Variants in PKHD1 observed in about 807,000 individuals in gnomAD.
PKHD1 encodes PKHD1 ciliary IPT domain containing fibrocystin/polyductin.
A neutral mutation model predicts 412.0 loss-of-function variants in PKHD1; 291 were observed. That is an observed-to-expected ratio of 0.71 (90% CI 0.64 to 0.78). The LOEUF is 0.78. Ranked by LOEUF, PKHD1 falls within the 30% of genes least tolerant of loss-of-function variation. The pLI, the probability that PKHD1 is intolerant of heterozygous loss-of-function variation, is 0.00. For missense variants in PKHD1, 4,825 were observed against 4,950.7 expected (o/e 0.97, Z 0.76); for synonymous variants, 1,777 against 1,821.5 (o/e 0.98, Z 0.62).
chr6:51,741,208 C>T, intron 60 of PKHD1: 1 of 518,746 alleles, frequency 1.9e-6, no homozygotes, highest in South Asian at 1.4e-5. Context: ...AATGAACACT[C>T]TTATGATTAA....
chr6:51,791,226 C>G lies in PKHD1; in HGVS notation c.8440+10G>C, dbSNP rs376658460. The G allele has an allele frequency of 1.0e-4, 162 of 1,613,332 alleles. No individual in the cohort carries two copies. The highest frequency in any genetic ancestry group is 1.2e-4 in the Non-Finnish European group (141 of 1,179,462). ...CTCAACATGCTCGCAATCCTTGTGCCTTTACTCACCAACTTTCAGCTCCCC... is the reference window on the plus strand; with the variant it reads ...CTCAACATGCTCGCAATCCTTGTGCGTTTACTCACCAACTTTCAGCTCCCC... On this transcript the variant is annotated intron_variant, in intron 53 of 66. Coordinates refer to ENST00000371117, the MANE Select transcript of PKHD1 (RefSeq NM_138694.4).
intron 60 of PKHD1, among the ~76,000 whole-genome samples, chr6:51,668,522 T>A (rs1774270075): frequency 6.6e-6 from 1 of 152,154 alleles, no homozygotes. Context: ...CTTTTCCTAA[T>A]TGAATACCCT....
intron 55 of PKHD1, among the ~76,000 whole-genome samples, chr6:51,763,164 T>C (rs1438428233): frequency 6.6e-6 from 1 of 152,098 alleles, no homozygotes; most frequent in African/African-American, 2.4e-5. Context: ...CTCAGGAATT[T>C]CTAGCTTTAT....
At chr6:51,772,667 C>A in intron 55 of PKHD1, 35 bp downstream of exon 55, 2 of 1,093,890 alleles carry the variant, frequency 1.8e-6, no homozygotes, top group Non-Finnish European at 2.8e-6. Flanking sequence ...TAAACAACAA[C>A]CAAGAAAAAG....
chr6:51,909,580 T>A lies in PKHD1; in HGVS notation c.6491-106A>T, dbSNP rs1266871. The A allele has an allele frequency of 0.045, 36,588 of 815,954 alleles. 3,741 individuals carry two copies. The highest frequency in any genetic ancestry group is 0.32 in the African/African-American group (19,142 of 59,460). 50.5% of individuals were successfully genotyped at this position (815,954 alleles called of 1,614,324 possible). A position where few individuals can be genotyped will look rare whatever the true frequency, so the allele number is the denominator to read the frequency against. ...GTCAGCACCGAGGAAAAACCATTAC[T>A]GTTTATTTCATTTAATAATCTTATT... is the stretch of plus-strand genomic sequence containing the variant. On this transcript the variant is annotated intron_variant, in intron 39 of 66. Coordinates refer to ENST00000371117, the MANE Select transcript of PKHD1 (RefSeq NM_138694.4).
intron 29 of PKHD1, 130 bp from the exon 30 acceptor site, chr6:52,028,481 G>A (rs1241706657): frequency 2.9e-5 from 24 of 830,744 alleles, no homozygotes; most frequent in East Asian, 1.8e-4. Context: ...TAAGAGTTAC[G>A]ATACCAACCT....
intron 48 of PKHD1, among the ~76,000 whole-genome samples, chr6:51,863,037 C>A (rs1168724687): frequency 6.6e-6 from 1 of 152,122 alleles, no homozygotes; most frequent in African/African-American, 2.4e-5. Flanking sequence ...AATAGATATT[C>A]TTTAAAGAGT....
intron 61 of PKHD1, among the ~76,000 whole-genome samples, chr6:51,653,756 T>C (rs1429575131): frequency 6.6e-6 from 1 of 152,092 alleles, no homozygotes; most frequent in Non-Finnish European, 1.5e-5. Flanking sequence ...TAAGTAAGCC[T>C]AGGTGGGTTT....
intron 50 of PKHD1, among the ~76,000 whole-genome samples, chr6:51,839,519 G>A (rs927652771): frequency 3.3e-5 from 5 of 152,242 alleles, no homozygotes; most frequent in African/African-American, 1.2e-4. Context: ...CTAAGAAAAT[G>A]GCTCCTGGTA....
chr6:51,955,392 A>G (rs1223040697), intron 36 of PKHD1, among the ~76,000 whole-genome samples: 2 of 152,076 alleles, frequency 1.3e-5, no homozygotes, highest in Non-Finnish European at 2.9e-5. Context: ...AATGACACAA[A>G]ACATTGGGGC....
chr6:51,802,594 C>T (rs1763102536), intron 52 of PKHD1, among the ~76,000 whole-genome samples: 1 of 151,474 alleles, frequency 6.6e-6, no homozygotes, highest in Non-Finnish European at 1.5e-5. Flanking sequence ...GATTTGTTTC[C>T]TTAAGAATAA....
intron 60 of PKHD1, among the ~76,000 whole-genome samples, chr6:51,693,688 G>C (rs762574305): frequency 7.2e-5 from 11 of 152,138 alleles, no homozygotes; most frequent in Non-Finnish European, 1.2e-4. Context: ...TAAAAACATG[G>C]GATGGCAGTG....
chr6:51,638,799 CAAA>C (rs376358912), intron 64 of PKHD1, 47 bp downstream of exon 64: 722 of 848,024 alleles, frequency 8.5e-4, no homozygotes, highest in African/African-American at 2.0e-3. Flanking sequence ...ATTATCTTCT[CAAA>C]AAAAAAAAAA....
At chr6:52,005,346 A>G (rs1421242100) in intron 35 of PKHD1, among the ~76,000 whole-genome samples, 2 of 152,200 alleles carry the variant, frequency 1.3e-5, no homozygotes, top group African/African-American at 4.8e-5. Context: ...CTGCTGAATC[A>G]AAGGACCAAA....
intron 60 of PKHD1, chr6:51,741,152 T>C: frequency 1.9e-6 from 1 of 518,980 alleles, no homozygotes; most frequent in Non-Finnish European, 3.8e-6. Flanking sequence ...AAGAACATAT[T>C]TGTGCCTAAA....
intron 40 of PKHD1, among the ~76,000 whole-genome samples, chr6:51,908,123 T>C (rs1167238137): frequency 6.6e-6 from 1 of 152,112 alleles, no homozygotes; most frequent in Non-Finnish European, 1.5e-5. Context: ...GAAATAAAGA[T>C]ACTAATCAAT....
intron 60 of PKHD1, among the ~76,000 whole-genome samples, chr6:51,695,985 G>C (rs900411642): frequency 6.6e-6 from 1 of 152,126 alleles, no homozygotes; most frequent in African/African-American, 2.4e-5. Context: ...AAAATAACCT[G>C]TTCCACACTG....
chr6:52,086,615 T>C (rs75160805), intron 1 of PKHD1, among the ~76,000 whole-genome samples: 15,276 of 152,260 alleles, frequency 0.1, 811 homozygotes, highest in Middle Eastern at 0.2. Flanking sequence ...CAAACATTTA[T>C]TGTATGCCCA....
intron 24 of PKHD1, among the ~76,000 whole-genome samples, chr6:52,045,413 GGAAA>G (rs1805640213): frequency 6.6e-6 from 1 of 152,126 alleles, no homozygotes; most frequent in Non-Finnish European, 1.5e-5. Flanking sequence ...AAAATAAAGT[GGAAA>G]GAAACAGTGC....
Sources: gnomAD v4.1 joint callset for allele counts (sites outside exome capture counted in the v4.1 genomes callset) on GRCh38, gnomAD v4.1.1 for gene constraint, MANE v1.5 for transcripts, NCBI Gene and HGNC (gene_info 2026-07-23, HGNC 2026-07-21) for gene names.